SEC24D: variants seen among roughly 807,000 people sequenced by gnomAD.
SEC24D encodes the protein SEC24 homolog D, COPII component.
A neutral mutation model predicts 116.9 loss-of-function variants in SEC24D; 69 were observed. The observed-to-expected ratio is 0.59, with a 90% CI of 0.49 to 0.72. The LOEUF (loss-of-function observed/expected upper bound fraction) is 0.72, where lower values mean the gene tolerates loss of function less well. SEC24D is among the 30% of genes least tolerant of loss of function. The pLI, the probability that SEC24D is intolerant of heterozygous loss-of-function variation, is 0.00. For missense variants in SEC24D, 1,131 were observed against 1,264.1 expected, an observed-to-expected ratio of 0.89 and a Z score of 1.60; for synonymous variants, 405 against 442.8, an observed-to-expected ratio of 0.91 and a Z score of 1.07.
At chr4:118,756,828 C>T (rs180783312) in intron 11 of SEC24D, among the ~76,000 whole-genome samples, 230 of 151,998 alleles carry the variant, frequency 1.5e-3, no homozygotes, top group Non-Finnish European at 2.6e-3. Context: ...AAAATAGCCA[C>T]GTTTGATATT....
intron 11 of SEC24D, among the ~76,000 whole-genome samples, chr4:118,754,745 C>T (rs6827740): frequency 0.29 from 44,066 of 151,984 alleles, 7,157 homozygotes; most frequent in Non-Finnish European, 0.37. Context: ...GCTAGAAGCA[C>T]TGACACCATG....
chr4:118,823,781 A>G (rs1730491734), intron 3 of SEC24D, among the ~76,000 whole-genome samples: 1 of 152,206 alleles, frequency 6.6e-6, no homozygotes, highest in South Asian at 2.1e-4. Context: ...AATTTATTAT[A>G]AACACAAACA....
chr4:118,780,205 T>C (rs932376199), intron 8 of SEC24D, among the ~76,000 whole-genome samples: 1 of 152,224 alleles, frequency 6.6e-6, no homozygotes, highest in African/African-American at 2.4e-5. Context: ...GGTGTCGATT[T>C]TGGATCTTTC....
intron 8 of SEC24D, among the ~76,000 whole-genome samples, chr4:118,792,287 C>T (rs917591583): frequency 2.0e-5 from 3 of 149,160 alleles, no homozygotes; most frequent in African/African-American, 7.4e-5. Flanking sequence ...CAGCCCCCGC[C>T]CGGCCAGCTG....
chr4:118,758,656 A>C (rs1419292478), intron 10 of SEC24D: 1 of 152,302 alleles, frequency 6.6e-6, no homozygotes, highest in South Asian at 2.1e-4. Context: ...ATTTAGACCA[A>C]CTTAATTTTT....
intron 2 of SEC24D, among the ~76,000 whole-genome samples, chr4:118,829,192 C>T (rs1402303864): frequency 6.6e-6 from 1 of 152,110 alleles, no homozygotes; most frequent in Non-Finnish European, 1.5e-5. Context: ...GTCATATTAC[C>T]ACAATTATTT....
At chr4:118,811,292 T>C (rs115850161) in intron 6 of SEC24D, among the ~76,000 whole-genome samples, 6,643 of 152,278 alleles carry the variant, frequency 0.044, 193 homozygotes, top group Non-Finnish European at 0.064. Flanking sequence ...CATAGGATAT[T>C]TATATTCTGA....
chr4:118,821,120 A>G (rs2110531446), intron 3 of SEC24D, among the ~76,000 whole-genome samples: 1 of 152,356 alleles, frequency 6.6e-6, no homozygotes, highest in East Asian at 1.9e-4. Flanking sequence ...TACCTAGCCC[A>G]TAGAGAAAAA....
intron 8 of SEC24D, among the ~76,000 whole-genome samples, chr4:118,785,502 A>G (rs909549830): frequency 6.6e-6 from 1 of 152,318 alleles, no homozygotes; most frequent in Admixed American, 6.5e-5. Flanking sequence ...CTTGGGAAGT[A>G]TCCCAAAAGC....
In SEC24D at chr4:118,815,295, G is replaced by A. The variant is rs1469667944; in HGVS notation, c.674-140C>T. On this transcript the variant is annotated intron_variant, in intron 5 of 22. Transcript: ENST00000280551. ...AAAGCAAGGAGTCAAGTATGAGTGT[G>A]GTTCCCCATTTCTTTGCTCTTGCCA... is the stretch of plus-strand genomic sequence containing the variant. 3.0e-6 allele frequency: 4 copies of A among 1,347,050 alleles called. No individual in the cohort carries two copies. In the East Asian group the frequency reaches 9.4e-5, roughly 32 times the overall value. 83.4% of individuals were successfully genotyped at this position (1,347,050 alleles called of 1,614,324 possible).
intron 6 of SEC24D, among the ~76,000 whole-genome samples, chr4:118,812,082 T>A (rs1729943662): frequency 6.6e-6 from 1 of 152,176 alleles, no homozygotes; most frequent in Non-Finnish European, 1.5e-5. Context: ...CGTACACTCC[T>A]ACCTTCCCTT....
intron 20 of SEC24D, 52 bp from the exon 21 acceptor site, chr4:118,731,559 C>G (rs994129263): frequency 2.7e-6 from 4 of 1,492,974 alleles, no homozygotes; most frequent in Non-Finnish European, 3.7e-6. Context: ...CCCTTCCCTT[C>G]CCTCCTTCCT....
chr4:118,732,895 G>A lies in SEC24D; in HGVS notation c.2514C>T (p.Ser838=). 6.2e-7 allele frequency: 1 copy of A among 1,613,302 alleles called. No homozygotes were observed. Among genetic ancestry groups the A allele is most frequent in the Non-Finnish European group, 8.5e-7 (1 of 1,179,570 alleles). ...TCATGTACACTGGCAATACTTTCAT[G>A]GAATCTGGTAGAATAAGCTGAAAAA... is the stretch of plus-strand genomic sequence containing the variant. ...SAASQLILPD[S]MKVLPVYMNC... is the part of the protein sequence containing the mutation. Residue 838 remains serine (S), a synonymous_variant, in exon 20 of 23, where the codon TCC becomes TCT. Transcript: ENST00000280551.
chr4:118,804,885 TAC>T (rs71954957), intron 7 of SEC24D, among the ~76,000 whole-genome samples: 9,092 of 140,816 alleles, frequency 0.065, 269 homozygotes, highest in Middle Eastern at 0.1. Context: ...TATGCATGCA[TAC>T]ACACACACAC....
chr4:118,745,682 G>A (rs953192494), intron 13 of SEC24D, among the ~76,000 whole-genome samples: 9 of 152,172 alleles, frequency 5.9e-5, no homozygotes, highest in African/African-American at 2.2e-4. Flanking sequence ...AGTCAAGTCA[G>A]CATTAAGAAT....
Position 118,816,088 on chromosome 4 carries a change from A to ATT in SEC24D, c.398-364_398-363dup, listed in dbSNP as rs34404398. 5.3e-3 allele frequency among the ~76,000 whole-genome samples: 538 copies of ATT among 101,304 alleles called. 10 individuals carry two copies. The highest frequency in any genetic ancestry group is 0.017 in the African/African-American group (461 of 27,282). 66.5% of individuals were successfully genotyped at this position (101,304 alleles called of 152,430 possible). On this transcript the variant is annotated intron_variant, in intron 4 of 22. Transcript: ENST00000280551. ...AGGCACACACCACCACGCCAAGTTCATTTTTTTTTTTTTTTTTTTTTGTAG... is the reference window on the plus strand; with the variant it reads ...AGGCACACACCACCACGCCAAGTTCATTTTTTTTTTTTTTTTTTTTTTTGTAG...
chr4:118,820,738 G>A (rs560303701), intron 3 of SEC24D, among the ~76,000 whole-genome samples: 8 of 151,570 alleles, frequency 5.3e-5, no homozygotes, highest in African/African-American at 1.9e-4. Context: ...CATGTTGACT[G>A]CCTTTATTCA....
chr4:118,771,965 A>T (rs1727922926), intron 8 of SEC24D, among the ~76,000 whole-genome samples: 1 of 152,230 alleles, frequency 6.6e-6, no homozygotes. Context: ...CATCATAAAC[A>T]AGAGCTCTTT....
In SEC24D at chr4:118,827,700, G is replaced by A. The variant is rs555726528; in HGVS notation, c.119-2951C>T. On this transcript the variant is annotated intron_variant, in intron 2 of 22. Coordinates refer to ENST00000280551, the MANE Select transcript of SEC24D (RefSeq NM_014822.4). ...GATTCTCCTGGGAGAGAATGGTGGT[G>A]ACTTCTGGTGGAATGGTCCTGCATG... Among the ~76,000 whole-genome samples the A allele has an allele frequency of 4.6e-5, 7 of 152,292 alleles. No homozygotes were observed. In the East Asian group the frequency reaches 1.4e-3, roughly 29 times the overall value.
Sources: allele counts gnomAD v4.1 joint callset (sites outside exome capture counted in the v4.1 genomes callset), GRCh38; gene constraint gnomAD v4.1.1; transcripts MANE v1.5; gene names NCBI Gene and HGNC (gene_info 2026-07-23, HGNC 2026-07-21).